Variants in CACNA1C observed in about 807,000 individuals in gnomAD.
CACNA1C encodes voltage-dependent L-type calcium channel subunit alpha-1C.
CACNA1C carries 30 observed loss-of-function variants against 229.0 expected under a neutral mutation model. The observed-to-expected ratio is 0.13, with a 90% confidence interval of 0.10 to 0.18. CACNA1C has a LOEUF of 0.18. CACNA1C is among the 10% of genes least tolerant of loss of function. The pLI, the probability that CACNA1C is intolerant of heterozygous loss-of-function variation, is 1.00. For missense variants in CACNA1C, 1,658 were observed against 2,845.0 expected (o/e 0.58, Z 9.49); for synonymous variants, 1,114 against 1,132.5 (o/e 0.98, Z 0.33).
intron 3 of CACNA1C, among the ~76,000 whole-genome samples, chr12:2,326,998 C>A (rs2096331838): frequency 6.6e-6 from 1 of 152,174 alleles, no homozygotes; most frequent in Non-Finnish European, 1.5e-5. Flanking sequence ...TTCATTCTTG[C>A]CTCCTTCTTC....
intron 3 of CACNA1C, among the ~76,000 whole-genome samples, chr12:2,294,361 G>A (rs958210302): frequency 4.6e-5 from 7 of 152,012 alleles, no homozygotes; most frequent in African/African-American, 1.7e-4. Flanking sequence ...GCCCTGAAGA[G>A]GCGGCTGCTG....
chr12:2,448,135 A>T (rs2099317839), intron 3 of CACNA1C, among the ~76,000 whole-genome samples: 2 of 152,198 alleles, frequency 1.3e-5, no homozygotes, highest in African/African-American at 4.8e-5. Flanking sequence ...GCTGGCTCTA[A>T]TTGAGCCAAC....
chr12:2,178,829 A>G (rs2096745494), intron 3 of CACNA1C, among the ~76,000 whole-genome samples: 1 of 152,180 alleles, frequency 6.6e-6, no homozygotes, highest in Non-Finnish European at 1.5e-5. Flanking sequence ...TGGGAGGCCG[A>G]GGCGGGCAGA....
intron 5 of CACNA1C, among the ~76,000 whole-genome samples, chr12:2,480,718 G>A (rs1209373167): frequency 1.3e-5 from 2 of 152,194 alleles, no homozygotes; most frequent in Admixed American, 6.5e-5. Flanking sequence ...TCCTAGTTCA[G>A]TGATTCTCAG....
rs1242329478 is a variant in CACNA1C, at chr12:2,120,363, A to G, written c.410A>G (p.Asn137Ser). The change falls in exon 3 of 47, where the codon AAT becomes AGT. Residue 137 changes from asparagine to serine, a missense_variant. Physicochemically the swap from Asn to Ser is conservative, Grantham distance 46. This residue lies in a region of CACNA1C where 89 missense variants were observed against 177.8 expected (regional missense o/e 0.50). Transcript: ENST00000399655. The part of the protein sequence containing the change: ...EIIILLTIFA[N>S]CVALAIYIPF... ...ATTATTTTACTGACTATTTTTGCCA[A>G]TTGTGTGGCCTTAGCGATCTATATT... 5 of 1,610,978 alleles carry G rather than the reference A, an allele frequency of 3.1e-6. No individual in the cohort carries two copies. The highest frequency in any genetic ancestry group is 1.7e-5 in the Admixed American group (1 of 59,994).
rs900491834 is a variant in CACNA1C at position 2,607,059 on chromosome 12, G to A, written c.3285G>A (p.Lys1095=). ...IIQPRSWENS[K]FDFDNVLAAM... ...AACCCCGCAGCTGGGAGAACAGCAA[G>A]TTTGACTTTGACAATGTTCTGGCAG... is the stretch of plus-strand genomic sequence containing the variant. Residue 1095 remains lysine, a synonymous_variant, in exon 26 of 47, where the codon AAG becomes AAA. Transcript: ENST00000399655. The A allele has an allele frequency of 5.6e-6, 9 of 1,613,860 alleles. No homozygotes were observed. The African/African-American group carries it at 6.7e-5, about 12-fold the overall frequency.
Position 2,585,292 on chromosome 12 carries a change from AGGCCACAGGG to A in CACNA1C, c.2340-83_2340-74del. ...GGGATCTGTCCCCTCTGGCCCCAAC[AGGCCACAGGG>A]CGGTTCCCTCCTACACTGTTCCCTA... On this transcript the variant is annotated intron_variant, in intron 16 of 46. Transcript: ENST00000399655. The surrounding 1 kb of genome is among the most constrained non-coding windows in gnomAD (Gnocchi z 4.1). The A allele has an allele frequency of 7.2e-7, 1 of 1,383,560 alleles. No individual in the cohort carries two copies. The highest frequency in any genetic ancestry group is 9.8e-7 in the Non-Finnish European group (1 of 1,025,150). 85.7% of individuals were successfully genotyped at this position (1,383,560 alleles called of 1,614,324 possible).
intron 1 of CACNA1C, among the ~76,000 whole-genome samples, chr12:2,073,174 C>T (rs1463272593): frequency 6.6e-6 from 1 of 152,194 alleles, no homozygotes; most frequent in African/African-American, 2.4e-5. Flanking sequence ...GATACCCTGG[C>T]TCCATCAAGG....
At chr12:2,389,659 C>T (rs1384232529) in intron 3 of CACNA1C, among the ~76,000 whole-genome samples, 1 of 152,316 alleles carries the variant, frequency 6.6e-6, no homozygotes, top group South Asian at 2.1e-4. Context: ...TTTGCAGAGA[C>T]TCCATTGCCT....
At chr12:2,404,020 G>A (rs947550471) in intron 3 of CACNA1C, among the ~76,000 whole-genome samples, 27 of 152,328 alleles carry the variant, frequency 1.8e-4, no homozygotes, top group African/African-American at 5.3e-4. Context: ...GGCAGGGCCT[G>A]GACTCAGGAT....
At chr12:2,627,005 G>A (rs980404597) in intron 29 of CACNA1C, among the ~76,000 whole-genome samples, 1 of 152,224 alleles carries the variant, frequency 6.6e-6, no homozygotes, top group Non-Finnish European at 1.5e-5. Context: ...AGTTAAAAGT[G>A]TGCATTCTAA....
At chr12:2,603,726 C>T (rs1354645896) in intron 22 of CACNA1C, 2 of 152,124 alleles carry the variant, frequency 1.3e-5, no homozygotes, top group East Asian at 1.9e-4. Flanking sequence ...TGTAGTGCCA[C>T]GTAGGAGCCA....
intron 3 of CACNA1C, among the ~76,000 whole-genome samples, chr12:2,338,593 A>C (rs1039855017): frequency 6.7e-6 from 1 of 149,686 alleles, no homozygotes; most frequent in Non-Finnish European, 1.5e-5. Flanking sequence ...GGCAGATGCC[A>C]TTCTTTTGCT....
At chr12:2,255,311 C>T (rs1261134406) in intron 3 of CACNA1C, among the ~76,000 whole-genome samples, 1 of 151,898 alleles carries the variant, frequency 6.6e-6, no homozygotes, top group Non-Finnish European at 1.5e-5. Flanking sequence ...AAGCACCATT[C>T]CCCAGGTGTG....
intron 1 of CACNA1C, among the ~76,000 whole-genome samples, chr12:2,089,893 G>A (rs1191349761): frequency 1.3e-5 from 2 of 152,078 alleles, no homozygotes; most frequent in African/African-American, 4.8e-5. Context: ...GCCGGGCGTG[G>A]TGGCAGGCGC....
At chr12:2,174,618 T>C (rs1209517242) in intron 3 of CACNA1C, among the ~76,000 whole-genome samples, 1 of 152,132 alleles carries the variant, frequency 6.6e-6, no homozygotes, top group Non-Finnish European at 1.5e-5. Context: ...CACCTGTAAG[T>C]ACAGTTTACC....
In CACNA1C at chr12:2,605,806, G is replaced by T; in HGVS notation, c.3156+20G>T. ...TTCAAGGTAAAGTCTGGGCTCCGTT[G>T]TGGTCCTCCTACCTCCCCTCCCATC... On this transcript the variant is annotated intron_variant, in intron 24 of 46. Transcript: ENST00000399655. This position sits in a 1 kb window ranked among gnomAD's most constrained non-coding sequence, Gnocchi z 6.2. The T allele has an allele frequency of 6.6e-7, 1 of 1,510,636 alleles. No individual in the cohort carries two copies. Among genetic ancestry groups the T allele is most frequent in the Non-Finnish European group, 9.2e-7 (1 of 1,085,524 alleles). 93.6% of individuals were successfully genotyped at this position (1,510,636 alleles called of 1,614,324 possible). A position where few individuals can be genotyped will look rare whatever the true frequency, so the allele number is the denominator to read the frequency against.
At chr12:2,012,070 T>C (rs952334128) in intron 1 of CACNA1C, among the ~76,000 whole-genome samples, 1 of 152,222 alleles carries the variant, frequency 6.6e-6, no homozygotes, top group African/African-American at 2.4e-5. Context: ...TTTCTCTTTT[T>C]AAACTGATGT....
chr12:2,285,167 T>G lies in CACNA1C; in HGVS notation c.478-163809T>G, dbSNP rs1053492738. Among the ~76,000 whole-genome samples, 2 of 152,212 alleles carry G rather than the reference T, an allele frequency of 1.3e-5. No homozygotes were observed. Among genetic ancestry groups the G allele is most frequent in the Non-Finnish European group, 2.9e-5 (2 of 68,030 alleles). ...ACTCTGTTTCTCTCCATTCCATCCC[T>G]GCGTGTTACCTAGCAGGAATTTCCT... On this transcript the variant is annotated intron_variant, in intron 3 of 46. Coordinates refer to ENST00000399655, the MANE Select transcript of CACNA1C (RefSeq NM_000719.7). The surrounding 1 kb of genome is among the most constrained non-coding windows in gnomAD (Gnocchi z 4.2).
Sources: allele counts gnomAD v4.1 joint callset (sites outside exome capture counted in the v4.1 genomes callset), GRCh38; gene constraint gnomAD v4.1.1; regional missense constraint gnomAD v4.1.1; non-coding constraint Gnocchi (gnomAD v3.1); transcripts MANE v1.5; gene names NCBI Gene and HGNC (gene_info 2026-07-23, HGNC 2026-07-21).